The following LRP1B variants were observed in gnomAD, a reference collection of about 807,000 sequenced individuals.
The protein encoded by LRP1B is low-density lipoprotein receptor-related protein 1B.
In LRP1B, 217 loss-of-function variants were observed where a neutral mutation model predicts 556.6. That is an observed-to-expected ratio of 0.39 (90% confidence interval 0.35 to 0.44). The LOEUF is 0.44. LRP1B is among the 20% of genes least tolerant of loss of function. LRP1B has a pLI of 1.00. For missense variants in LRP1B, 5,053 were observed against 5,620.8 expected, an observed-to-expected ratio of 0.90 and a Z score of 3.23; for synonymous variants, 2,047 against 1,865.8, an observed-to-expected ratio of 1.10 and a Z score of -2.50.
At chr2:141,380,065 C>T (rs530597184) in intron 3 of LRP1B, among the ~76,000 whole-genome samples, 4 of 152,246 alleles carry the variant, frequency 2.6e-5, no homozygotes, top group South Asian at 2.1e-4. Flanking sequence ...TCTGATTTTT[C>T]GTGCTACTGT....
intron 1 of LRP1B, among the ~76,000 whole-genome samples, chr2:142,102,556 A>T (rs1444552514): frequency 8.6e-6 from 1 of 115,992 alleles, no homozygotes; most frequent in Non-Finnish European, 2.0e-5. Context: ...AATAAAATAA[A>T]AAAATAAAAA....
chr2:140,973,655 C>A (rs1486374622), intron 18 of LRP1B, among the ~76,000 whole-genome samples: 2 of 151,986 alleles, frequency 1.3e-5, no homozygotes, highest in African/African-American at 4.8e-5. Context: ...TTAAGAGAAA[C>A]CTAGAAGCTA....
chr2:141,225,309 C>T (rs1350184057), intron 6 of LRP1B, among the ~76,000 whole-genome samples: 1 of 152,110 alleles, frequency 6.6e-6, no homozygotes, highest in African/African-American at 2.4e-5. Context: ...CATAAAAAGA[C>T]AATGAAAGTG....
chr2:141,164,063 G>A (rs1033283), intron 7 of LRP1B, among the ~76,000 whole-genome samples: 7,683 of 152,028 alleles, frequency 0.051, 228 homozygotes, highest in African/African-American at 0.078. Context: ...ATTCAATTCT[G>A]GTTGTTACAT....
At chr2:141,508,196 T>C (rs1334377084) in intron 2 of LRP1B, among the ~76,000 whole-genome samples, 17 of 152,124 alleles carry the variant, frequency 1.1e-4, no homozygotes. Flanking sequence ...CAAATTCCCC[T>C]TTCTTTCCTC....
Position 141,890,633 on chromosome 2 carries a change from C to T in LRP1B, c.83-80232G>A, listed in dbSNP as rs150698244. 1.2e-3 allele frequency among the ~76,000 whole-genome samples: 179 copies of T among 151,946 alleles called. 2 individuals are homozygous for T. Among genetic ancestry groups the T allele is most frequent in the Non-Finnish European group, 3.1e-4 (21 of 67,972 alleles). On this transcript the variant is annotated intron_variant, in intron 1 of 90. Transcript: ENST00000389484. Reference sequence around the variant, plus strand: ...ACACATAAGAACACCAGGGCCCCGACAGTCAATTATTTATGTGGTCCCGAC... The same window carrying T: ...ACACATAAGAACACCAGGGCCCCGATAGTCAATTATTTATGTGGTCCCGAC...
At chr2:142,115,082 T>C (rs1442259030) in intron 1 of LRP1B, among the ~76,000 whole-genome samples, 4 of 152,096 alleles carry the variant, frequency 2.6e-5, no homozygotes, top group Non-Finnish European at 4.4e-5. Flanking sequence ...TGATTTCTTT[T>C]GGAACAGTAA....
Position 140,350,813 on chromosome 2 carries a change from G to A in LRP1B, c.11876C>T (p.Ala3959Val), listed in dbSNP as rs781576057. Residue 3959 changes from alanine to valine, a missense_variant, in exon 77 of 91, where the codon GCA (alanine) becomes GTA (valine). Physicochemically the swap from Ala to Val is moderately conservative, Grantham distance 64. Transcript: ENST00000389484. ...KRIHGREKRQANSGLICPEFK... is the reference protein window; with the variant it reads ...KRIHGREKRQVNSGLICPEFK... ...TTTACTTACAATCAAGCCACTGTTT[G>A]CTTGCCTTTTTTCTCTGCCATGGAT... 1 of 1,610,198 alleles carries A rather than the reference G, an allele frequency of 6.2e-7. No homozygotes were observed. Among genetic ancestry groups the A allele is most frequent in the Admixed American group, 1.7e-5 (1 of 59,600 alleles).
At chr2:141,826,901 C>T (rs1434024905) in intron 1 of LRP1B, among the ~76,000 whole-genome samples, 4 of 152,118 alleles carry the variant, frequency 2.6e-5, no homozygotes, top group Non-Finnish European at 5.9e-5. Flanking sequence ...AAATCTTTAT[C>T]AGTCCAAGAG....
chr2:141,500,289 G>T (rs76952850), intron 2 of LRP1B, among the ~76,000 whole-genome samples: 4,154 of 152,082 alleles, frequency 0.027, 94 homozygotes, highest in Non-Finnish European at 0.037. Context: ...CAATTTATCA[G>T]CCTTTGTTAA....
chr2:140,799,067 T>A (rs1043844819), intron 32 of LRP1B, among the ~76,000 whole-genome samples: 1 of 152,192 alleles, frequency 6.6e-6, no homozygotes, highest in African/African-American at 2.4e-5. Context: ...AAAGTTTTTT[T>A]AAATAAACGC....
intron 1 of LRP1B, among the ~76,000 whole-genome samples, chr2:141,959,095 T>C (rs1201003488): frequency 6.6e-6 from 1 of 152,018 alleles, no homozygotes; most frequent in Admixed American, 6.6e-5. Flanking sequence ...TTAAAATTTC[T>C]ACATTTATCT....
At chr2:141,757,358 G>A (rs1038810410) in intron 2 of LRP1B, among the ~76,000 whole-genome samples, 11 of 152,164 alleles carry the variant, frequency 7.2e-5, no homozygotes, top group African/African-American at 2.7e-4. Flanking sequence ...GCTTGTGTGA[G>A]AGATGCACAA....
At chr2:142,033,113 C>T (rs1432419483) in intron 1 of LRP1B, among the ~76,000 whole-genome samples, 1 of 151,690 alleles carries the variant, frequency 6.6e-6, no homozygotes, top group Non-Finnish European at 1.5e-5. Flanking sequence ...ATTTTGTTAC[C>T]GTCATCAGCC....
intron 6 of LRP1B, among the ~76,000 whole-genome samples, chr2:141,211,062 A>G (rs1006123081): frequency 6.6e-6 from 1 of 152,014 alleles, no homozygotes; most frequent in Non-Finnish European, 1.5e-5. Flanking sequence ...ATCTCAGCTC[A>G]CTGCAACCTC....
intron 15 of LRP1B, among the ~76,000 whole-genome samples, chr2:140,994,872 C>A (rs1573962350): frequency 6.6e-6 from 1 of 151,878 alleles, no homozygotes; most frequent in Admixed American, 6.6e-5. Flanking sequence ...TTAATTGAAA[C>A]TATAAAACAT....
intron 84 of LRP1B, among the ~76,000 whole-genome samples, chr2:140,288,855 G>A (rs1018202248): frequency 6.6e-6 from 1 of 151,648 alleles, no homozygotes; most frequent in Non-Finnish European, 1.5e-5. Context: ...GCCTTTCATT[G>A]TCTTTACACT....
At chr2:140,817,277 G>T (rs756916894) in intron 31 of LRP1B, among the ~76,000 whole-genome samples, 1 of 151,434 alleles carries the variant, frequency 6.6e-6, no homozygotes, top group Non-Finnish European at 1.5e-5. Flanking sequence ...TCTGAATCTG[G>T]CTATCAAAAG....
chr2:140,827,487 G>A lies in LRP1B; in HGVS notation c.5209+12504C>T, dbSNP rs180681628. 3.8e-3 allele frequency among the ~76,000 whole-genome samples: 582 copies of A among 151,982 alleles called. 8 individuals carry two copies. The highest frequency in any genetic ancestry group is 0.013 in the African/African-American group (546 of 41,474). ...AAACAAGTTTCCTGAACTAAAAAAT[G>A]TACTAGAGGCAACAGCAGAATGGAT... On this transcript the variant is annotated intron_variant, in intron 31 of 90. Transcript: ENST00000389484.
Sources: allele counts gnomAD v4.1 joint callset (sites outside exome capture counted in the v4.1 genomes callset), GRCh38; gene constraint gnomAD v4.1.1; transcripts MANE v1.5; gene names NCBI Gene and HGNC (gene_info 2026-07-23, HGNC 2026-07-21).